Variants in ARHGAP26 observed in about 807,000 individuals in gnomAD.
ARHGAP26 encodes Rho GTPase activating protein 26, also known as rho GTPase-activating protein 26.
ARHGAP26 carries 38 observed loss-of-function variants against 104.8 expected under a neutral mutation model. The ratio of observed to expected loss-of-function variants is 0.36; its 90% confidence interval spans 0.28 to 0.48. ARHGAP26 has a LOEUF of 0.48. Among genes scored for constraint, ARHGAP26 ranks in the 20% least tolerant of loss-of-function variants. ARHGAP26 has a pLI of 0.99. For synonymous variants in ARHGAP26, 341 were observed against 340.0 expected, an observed-to-expected ratio of 1.00 and a Z score of -0.03; for missense variants, 704 against 947.9, an observed-to-expected ratio of 0.74 and a Z score of 3.38.
intron 1 of ARHGAP26, among the ~76,000 whole-genome samples, chr5:142,802,237 T>G (rs1433806870): frequency 2.6e-5 from 4 of 152,250 alleles, no homozygotes; most frequent in Admixed American, 2.6e-4. Context: ...GATTTCGTTT[T>G]CATTTTATTC....
intron 17 of ARHGAP26, among the ~76,000 whole-genome samples, chr5:143,091,795 G>A (rs904331254): frequency 4.6e-5 from 7 of 152,054 alleles, no homozygotes; most frequent in African/African-American, 1.2e-4. Flanking sequence ...TCCAGTTCAC[G>A]GAAAAACTGG....
intron 1 of ARHGAP26, among the ~76,000 whole-genome samples, chr5:142,856,518 T>A (rs950625143): frequency 1.3e-5 from 2 of 152,108 alleles, no homozygotes; most frequent in African/African-American, 4.8e-5. Context: ...AGGCCCAGGC[T>A]CCCTAAGGAG....
rs1338358727 is a variant in ARHGAP26 at position 143,085,366 on chromosome 5, TA to T, written c.1538+27620del. On this transcript the variant is annotated intron_variant, in intron 17 of 22. Transcript: ENST00000645722. ...GAGCATAGGGTCTCTAATTTGGGGA[TA>T]GGGGAGGTGGGTAATGTAAAGAAAT... 1.2e-4 allele frequency among the ~76,000 whole-genome samples: 18 copies of T among 151,966 alleles called. No homozygotes were observed. In the East Asian group the frequency reaches 2.3e-3, roughly 20 times the overall value.
At chr5:143,065,893 C>G (rs748247814) in intron 17 of ARHGAP26, among the ~76,000 whole-genome samples, 7 of 152,198 alleles carry the variant, frequency 4.6e-5, no homozygotes. Context: ...AGCAATTGTT[C>G]AACAGCCTCT....
At chr5:143,199,808 T>C (rs1293927994) in intron 20 of ARHGAP26, among the ~76,000 whole-genome samples, 1 of 152,218 alleles carries the variant, frequency 6.6e-6, no homozygotes, top group African/African-American at 2.4e-5. Context: ...TGGAGACTCT[T>C]AGTGCAAGAC....
chr5:143,094,680 C>T (rs1341041681), intron 17 of ARHGAP26, among the ~76,000 whole-genome samples: 6 of 152,222 alleles, frequency 3.9e-5, no homozygotes, highest in African/African-American at 1.4e-4. Context: ...ATCCCTGACA[C>T]GTGTGGCCCC....
intron 11 of ARHGAP26, among the ~76,000 whole-genome samples, chr5:142,968,472 A>G (rs1288275695): frequency 6.6e-6 from 1 of 152,200 alleles, no homozygotes; most frequent in African/African-American, 2.4e-5. Context: ...CAAATATTAG[A>G]TATGCTCACT....
chr5:142,971,915 C>A (rs1772329228), intron 11 of ARHGAP26, among the ~76,000 whole-genome samples: 1 of 152,142 alleles, frequency 6.6e-6, no homozygotes, highest in African/African-American at 2.4e-5. Flanking sequence ...GGCACGGTGG[C>A]TCACGCCTAT....
At chr5:142,983,310 G>C (rs775667848) in intron 11 of ARHGAP26, among the ~76,000 whole-genome samples, 1 of 152,104 alleles carries the variant, frequency 6.6e-6, no homozygotes, top group South Asian at 2.1e-4. Context: ...GGGTTCAAGC[G>C]ACCCTCCTGC....
chr5:142,938,383 A>G (rs1765758134), intron 11 of ARHGAP26, among the ~76,000 whole-genome samples: 1 of 152,142 alleles, frequency 6.6e-6, no homozygotes, highest in Non-Finnish European at 1.5e-5. Context: ...CTTTTGTTTT[A>G]CTTTTGTGTG....
intron 11 of ARHGAP26, among the ~76,000 whole-genome samples, chr5:143,009,991 A>C (rs1004969523): frequency 2.0e-5 from 3 of 152,296 alleles, no homozygotes; most frequent in African/African-American, 7.2e-5. Flanking sequence ...AAAGCATATA[A>C]ATTTGAGATT....
intron 10 of ARHGAP26, among the ~76,000 whole-genome samples, chr5:142,917,823 A>G (rs1272964402): frequency 6.6e-6 from 1 of 151,586 alleles, no homozygotes; most frequent in Non-Finnish European, 1.5e-5. Flanking sequence ...CACCACTGTC[A>G]CTGTCCCTAG....
chr5:143,108,736 G>A (rs767867624), intron 17 of ARHGAP26, among the ~76,000 whole-genome samples: 1 of 152,214 alleles, frequency 6.6e-6, no homozygotes. Flanking sequence ...TATTTCATGA[G>A]TGTATGCTTC....
At chr5:143,197,044 T>C (rs1159391549) in intron 20 of ARHGAP26, among the ~76,000 whole-genome samples, 2 of 152,258 alleles carry the variant, frequency 1.3e-5, no homozygotes, top group Non-Finnish European at 2.9e-5. Flanking sequence ...AAGTCATTTA[T>C]GTTGCTGTAG....
At chr5:142,928,247 T>TAA (rs1562096626) in intron 10 of ARHGAP26, among the ~76,000 whole-genome samples, 12 of 111,834 alleles carry the variant, frequency 1.1e-4, no homozygotes, top group African/African-American at 6.3e-4. Flanking sequence ...TTTTTTTTTT[T>TAA]TAAAACTCAT....
intron 1 of ARHGAP26, among the ~76,000 whole-genome samples, chr5:142,788,147 C>T (rs1395688153): frequency 6.6e-6 from 1 of 151,894 alleles, no homozygotes; most frequent in African/African-American, 2.4e-5. Context: ...ATTACAGGCA[C>T]GTGCCACCAT....
chr5:142,792,144 G>A (rs1387389161), intron 1 of ARHGAP26, among the ~76,000 whole-genome samples: 2 of 151,972 alleles, frequency 1.3e-5, no homozygotes, highest in South Asian at 2.1e-4. Context: ...TTTCTGTGTT[G>A]GAACCACATC....
chr5:142,818,088 G>A (rs1443956923), intron 1 of ARHGAP26, among the ~76,000 whole-genome samples: 6 of 152,142 alleles, frequency 3.9e-5, no homozygotes, highest in African/African-American at 1.4e-4. Context: ...TTCTGTTCCA[G>A]TATTTGTTAG....
At chr5:142,787,513 C>T (rs748269505) in intron 1 of ARHGAP26, among the ~76,000 whole-genome samples, 5 of 152,124 alleles carry the variant, frequency 3.3e-5, no homozygotes, top group African/African-American at 9.7e-5. Flanking sequence ...AACAATGAGA[C>T]GTGGATAAGA....
Sources: gnomAD v4.1 joint callset for allele counts (sites outside exome capture counted in the v4.1 genomes callset) on GRCh38, gnomAD v4.1.1 for gene constraint, MANE v1.5 for transcripts, NCBI Gene and HGNC (gene_info 2026-07-23, HGNC 2026-07-21) for gene names.